PRKX: variants seen among roughly 807,000 people sequenced by gnomAD.
PRKX encodes cAMP-dependent protein kinase catalytic subunit PRKX.
In PRKX, 12 loss-of-function variants were observed where a neutral mutation model predicts 22.0. That is an observed-to-expected ratio of 0.54 (90% confidence interval 0.35 to 0.88). PRKX has a LOEUF of 0.88. Ranked by LOEUF, PRKX falls within the 40% of genes least tolerant of loss-of-function variation. The pLI is 0.01. For missense variants in PRKX, 217 were observed against 308.0 expected (o/e 0.70, Z 2.21); for synonymous variants, 134 against 137.7 (o/e 0.97, Z 0.19).
At chrX:3,689,133 G>A (rs1229882929) in intron 1 of PRKX, among the ~76,000 whole-genome samples, 1 of 112,228 alleles carries the variant, frequency 8.9e-6, no homozygotes, top group African/African-American at 3.2e-5. Context: ...CCGACGCATT[G>A]CATTAAATAA....
chrX:3,676,875 G>A (rs184076592), intron 1 of PRKX, among the ~76,000 whole-genome samples: 87 of 111,622 alleles, frequency 7.8e-4, no homozygotes, highest in South Asian at 4.5e-3. Context: ...TTCCCTGCTC[G>A]GGCTCTCTTC....
At chrX:3,618,309 C>T (rs753732663) in intron 6 of PRKX, among the ~76,000 whole-genome samples, 1 of 110,994 alleles carries the variant, frequency 9.0e-6, no homozygotes, top group African/African-American at 3.3e-5. Context: ...ATGATGTATT[C>T]TCAAGAATCT....
At chrX:3,671,653 C>A (rs1411160659) in intron 2 of PRKX, among the ~76,000 whole-genome samples, 3 of 111,515 alleles carry the variant, frequency 2.7e-5, no homozygotes, top group Non-Finnish European at 5.6e-5. Flanking sequence ...AAAATGTCCT[C>A]TTCAAAAGCT....
chrX:3,653,611 TATATATATTATATATAATATACTATGTA>T (rs1927385253), intron 3 of PRKX, among the ~76,000 whole-genome samples: 1 of 76,342 alleles, frequency 1.3e-5, no homozygotes, highest in African/African-American at 4.9e-5. Flanking sequence ...TACTATGTAA[TATATATATTATATATAATATACTATGTA>T]ATATATATAT....
intron 2 of PRKX, among the ~76,000 whole-genome samples, chrX:3,664,342 T>G (rs1404657089): frequency 1.8e-5 from 2 of 112,059 alleles, no homozygotes; most frequent in African/African-American, 6.5e-5. Flanking sequence ...GCTCGAGCAA[T>G]TCTCCCACCT....
At chrX:3,664,279 T>C (rs1211303431) in intron 2 of PRKX, among the ~76,000 whole-genome samples, 2 of 112,141 alleles carry the variant, frequency 1.8e-5, no homozygotes, top group Middle Eastern at 4.6e-3. Flanking sequence ...TGTTGTTGCA[T>C]AGGCTGGAGT....
At chrX:3,618,115 A>C (rs775996779) in intron 6 of PRKX, among the ~76,000 whole-genome samples, 11,744 of 107,881 alleles carry the variant, frequency 0.11, 632 homozygotes, top group Middle Eastern at 0.19. Flanking sequence ...AGACAAATAC[A>C]GTCTGACCTC....
At chrX:3,610,478 T>G (rs1165147372) in intron 8 of PRKX, among the ~76,000 whole-genome samples, 1 of 110,717 alleles carries the variant, frequency 9.0e-6, no homozygotes, top group African/African-American at 3.3e-5. Flanking sequence ...CGAGACTCTG[T>G]CTCAAAAAGA....
intron 1 of PRKX, among the ~76,000 whole-genome samples, chrX:3,692,172 G>T (rs1252690664): frequency 9.2e-6 from 1 of 109,042 alleles, no homozygotes. Context: ...TGACTCTCAC[G>T]CTAAAGCAGG....
intron 1 of PRKX, among the ~76,000 whole-genome samples, chrX:3,693,797 G>A (rs527617903): frequency 1.0e-4 from 11 of 108,578 alleles, no homozygotes; most frequent in African/African-American, 1.3e-4. Context: ...AAAATTAGCC[G>A]GGTGTGGTGG....
chrX:3,684,457 T>C (rs1269808838), intron 1 of PRKX, among the ~76,000 whole-genome samples: 1 of 110,731 alleles, frequency 9.0e-6, no homozygotes, highest in African/African-American at 3.3e-5. Flanking sequence ...TATTCGCTAC[T>C]CTCTGTTGAA....
chrX:3,668,605 G>C (rs749294089), intron 2 of PRKX, among the ~76,000 whole-genome samples: 9 of 112,064 alleles, frequency 8.0e-5, no homozygotes, highest in Non-Finnish European at 1.7e-4. Flanking sequence ...GGAGAAACGA[G>C]CGGTCATCCA....
intron 6 of PRKX, among the ~76,000 whole-genome samples, chrX:3,621,029 G>A (rs12394054): frequency 0.069 from 7,673 of 111,027 alleles, 234 homozygotes; most frequent in African/African-American, 0.12. Flanking sequence ...GGGGAGATAC[G>A]GTGTAGACCC....
At chrX:3,666,436 G>A (rs1042444340) in intron 2 of PRKX, among the ~76,000 whole-genome samples, 6 of 110,626 alleles carry the variant, frequency 5.4e-5, no homozygotes, top group East Asian at 2.9e-4. Flanking sequence ...GATTACAGGC[G>A]TGAGCCACCA....
At chrX:3,673,176 C>T (rs1927882392) in intron 2 of PRKX, among the ~76,000 whole-genome samples, 2 of 110,973 alleles carry the variant, frequency 1.8e-5, no homozygotes, top group Non-Finnish European at 3.8e-5. Context: ...GTCCCGGGGA[C>T]AGCAGGTGAA....
In PRKX at chrX:3,605,558, A is replaced by T. The variant is rs1477280973; in HGVS notation, c.*3411T>A. The T allele has an allele frequency of 8.9e-6, 1 of 112,989 alleles. No individual in the cohort carries two copies. Among genetic ancestry groups the T allele is most frequent in the African/African-American group, 3.2e-5 (1 of 30,991 alleles). 9.3% of individuals were successfully genotyped at this position (112,989 alleles called of 1,213,427 possible). A position where few individuals can be genotyped will look rare whatever the true frequency, so the allele number is the denominator to read the frequency against. ...GAGGCCATGTAGGTCAAACACAGAA[A>T]TGGCGAACACATCCCAAACCACTCA... On this transcript the variant is annotated 3_prime_UTR_variant, in exon 9 of 9. Transcript: ENST00000262848.
chrX:3,690,537 G>C (rs766578708), intron 1 of PRKX, among the ~76,000 whole-genome samples: 5 of 111,946 alleles, frequency 4.5e-5, no homozygotes, highest in African/African-American at 9.7e-5. Context: ...TTCAAGACCA[G>C]GCTAGACAAC....
chrX:3,697,876 A>G (rs1043454535), intron 1 of PRKX, among the ~76,000 whole-genome samples: 7 of 111,780 alleles, frequency 6.3e-5, no homozygotes, highest in African/African-American at 2.3e-4. Context: ...TTCTTTACAC[A>G]GTCTGGGAAC....
At chrX:3,639,997 G>A (rs1251430788) in intron 4 of PRKX, among the ~76,000 whole-genome samples, 1 of 111,353 alleles carries the variant, frequency 9.0e-6, no homozygotes, top group Non-Finnish European at 1.9e-5. Flanking sequence ...CCAGGCAGGA[G>A]AATGCCTCTC....
Sources: gnomAD v4.1 joint callset for allele counts (sites outside exome capture counted in the v4.1 genomes callset) on GRCh38, gnomAD v4.1.1 for gene constraint, MANE v1.5 for transcripts, NCBI Gene and HGNC (gene_info 2026-07-23, HGNC 2026-07-21) for gene names.